ALOX5AP: variants seen among roughly 807,000 people sequenced by gnomAD.
ALOX5AP encodes the protein arachidonate 5-lipoxygenase activating protein, also known as arachidonate 5-lipoxygenase-activating protein.
ALOX5AP carries 9 observed loss-of-function variants against 18.5 expected under a neutral mutation model. The observed-to-expected ratio is 0.49, with a 90% CI of 0.29 to 0.85. The LOEUF (loss-of-function observed/expected upper bound fraction) is 0.85. ALOX5AP is among the 40% of genes least tolerant of loss of function. The pLI is 0.08. For missense variants in ALOX5AP, 172 were observed against 202.5 expected (o/e 0.85, Z 0.91); for synonymous variants, 81 against 78.6 (o/e 1.03, Z -0.16).
At position 30,741,103 on chromosome 13, in the gene ALOX5AP, C is replaced by CTTTTTTT. The variant is rs59980433; in HGVS notation, c.71-2928_71-2922dup. Among the ~76,000 whole-genome samples the CTTTTTTT allele has an allele frequency of 4.6e-3, 297 of 64,008 alleles. 35 individuals are homozygous for CTTTTTTT. Among genetic ancestry groups the CTTTTTTT allele is most frequent in the Non-Finnish European group, 5.7e-3 (207 of 36,056 alleles). 42.0% of individuals were successfully genotyped at this position (64,008 alleles called of 152,430 possible). A position where few individuals can be genotyped will look rare whatever the true frequency, so the allele number is the denominator to read the frequency against. ...TTAACCTACACACATCCTCCATATC[C>CTTTTTTT]TTTTTTTTTTTTTTTTTTTTTTTTT... On this transcript the variant is annotated intron_variant, in intron 1 of 4. Transcript: ENST00000380490.
At chr13:30,734,619 A>C (rs891936966), upstream of ALOX5AP, among the ~76,000 whole-genome samples, 1 of 152,216 alleles carries the variant, frequency 6.6e-6, no homozygotes, top group Non-Finnish European at 1.5e-5. Context: ...CTCAGAAAGC[A>C]CAGCCACTCT....
At chr13:30,750,121 A>G (rs911295849) in intron 2 of ALOX5AP, among the ~76,000 whole-genome samples, 5 of 152,156 alleles carry the variant, frequency 3.3e-5, no homozygotes, top group African/African-American at 7.2e-5. Context: ...GTGGGTGTGA[A>G]CATTTGCATT....
At chr13:30,731,666 G>C (rs1951681589), upstream of ALOX5AP, among the ~76,000 whole-genome samples, 1 of 152,158 alleles carries the variant, frequency 6.6e-6, no homozygotes, top group Non-Finnish European at 1.5e-5. Context: ...ACGGTGCCAG[G>C]CCCTTGACCA....
Position 30,764,355 on chromosome 13 carries a change from G to T in ALOX5AP, c.*249G>T. ...TTTTGTTTGTTTCTTCACTTATCCT[G>T]TTCTCTGAAGATGTTTTGTGACCAG... On this transcript the variant is annotated 3_prime_UTR_variant, in exon 5 of 5. Coordinates refer to ENST00000380490, the MANE Select transcript of ALOX5AP (RefSeq NM_001629.4). The T allele has an allele frequency of 2.4e-6, 1 of 413,032 alleles. No individual in the cohort carries two copies. The highest frequency in any genetic ancestry group is 4.3e-6 in the Non-Finnish European group (1 of 233,364). 25.6% of individuals were successfully genotyped at this position (413,032 alleles called of 1,614,324 possible).
At chr13:30,730,466 T>C (rs1951672464) in intron 1 of ALOX5AP, among the ~76,000 whole-genome samples, 1 of 152,222 alleles carries the variant, frequency 6.6e-6, no homozygotes, top group African/African-American at 2.4e-5. Flanking sequence ...CTGACTGAAA[T>C]GAAAAGGAAC....
upstream of ALOX5AP, among the ~76,000 whole-genome samples, chr13:30,730,795 A>G (rs1951675047): frequency 6.6e-6 from 1 of 150,424 alleles, no homozygotes; most frequent in African/African-American, 2.4e-5. Context: ...GCAGCTGGGC[A>G]GAGCCTCGGC....
chr13:30,719,186 G>T (rs938158088), intron 1 of ALOX5AP, among the ~76,000 whole-genome samples: 1 of 152,192 alleles, frequency 6.6e-6, no homozygotes, highest in African/African-American at 2.4e-5. Flanking sequence ...AATAATGGAG[G>T]TTGATTTAAA....
intron 1 of ALOX5AP, among the ~76,000 whole-genome samples, chr13:30,741,529 T>C (rs1193193843): frequency 6.8e-6 from 1 of 146,758 alleles, no homozygotes; most frequent in African/African-American, 2.5e-5. Flanking sequence ...CCTGTGTAGC[T>C]AGGATTACAG....
At chr13:30,713,909 C>A in intron 1 of ALOX5AP, 1 of 1,503,020 alleles carries the variant, frequency 6.7e-7, no homozygotes, top group Non-Finnish European at 8.9e-7. Context: ...ACAAATTTGA[C>A]CTGGGCCCAG....
intron 2 of ALOX5AP, among the ~76,000 whole-genome samples, chr13:30,751,068 T>C (rs1951847807): frequency 6.6e-6 from 1 of 152,104 alleles, no homozygotes; most frequent in Non-Finnish European, 1.5e-5. Context: ...TAAAAGGGTG[T>C]TTTTTGTTTT....
Position 30,764,110 on chromosome 13 carries a change from T to G in ALOX5AP, c.*4T>G. ...CCCTCTACTTCTCATTCCCTAACTC[T>G]CTGCTGAATATGGGGTTGGTGTTCT... On this transcript the variant is annotated 3_prime_UTR_variant, in exon 5 of 5. Coordinates refer to ENST00000380490, the MANE Select transcript of ALOX5AP (RefSeq NM_001629.4). 1 of 1,613,140 alleles carries G rather than the reference T, an allele frequency of 6.2e-7. No homozygotes were observed. Among genetic ancestry groups the G allele is most frequent in the Non-Finnish European group, 8.5e-7 (1 of 1,179,530 alleles).
At chr13:30,747,756 CTTGGT>C (rs1951820701) in intron 2 of ALOX5AP, among the ~76,000 whole-genome samples, 1 of 152,170 alleles carries the variant, frequency 6.6e-6, no homozygotes, top group South Asian at 2.1e-4. Flanking sequence ...TATTCTGATT[CTTGGT>C]TTTCTAAGAG....
rs1186960394 is a variant in ALOX5AP at position 30,752,115 on chromosome 13, C to A, written c.234C>A (p.Cys78Ter). Reference sequence around the variant, plus strand: ...TGCTCTGGTCTGCGGGGCTACTTTGCAGCCAAGGTAACTCAGACTTCCCTT... The same window carrying A: ...TGCTCTGGTCTGCGGGGCTACTTTGAAGCCAAGGTAACTCAGACTTCCCTT... Reference protein sequence around the residue: ...LAVLWSAGLLCSQVPAAFAGL... With the variant: ...LAVLWSAGLL Residue 78 changes from cysteine (C) to a stop codon, truncating the protein, a stop_gained, in exon 3 of 5, where the codon TGC becomes TGA. Transcript: ENST00000380490. LOFTEE classifies it high-confidence loss of function. 1 of 1,614,072 alleles carries A rather than the reference C, an allele frequency of 6.2e-7. No individual in the cohort carries two copies. Among genetic ancestry groups the A allele is most frequent in the South Asian group, 1.1e-5 (1 of 91,082 alleles).
intron 3 of ALOX5AP, among the ~76,000 whole-genome samples, chr13:30,753,556 G>A (rs746404050): frequency 3.3e-5 from 5 of 152,164 alleles, no homozygotes; most frequent in African/African-American, 9.7e-5. Flanking sequence ...GTTGATAATC[G>A]TCATTTCTTA....
intron 4 of ALOX5AP, among the ~76,000 whole-genome samples, chr13:30,763,533 C>T (rs886787053): frequency 5.3e-5 from 8 of 152,176 alleles, no homozygotes; most frequent in African/African-American, 1.4e-4. Context: ...CTAACACAGT[C>T]CTGCATTACA....
At chr13:30,741,623 G>A (rs866046328) in intron 1 of ALOX5AP, among the ~76,000 whole-genome samples, 1 of 141,818 alleles carries the variant, frequency 7.1e-6, no homozygotes, top group Non-Finnish European at 1.5e-5. Flanking sequence ...TGGCCTGGCT[G>A]GTCTTGAACT....
intron 2 of ALOX5AP, 64 bp downstream of exon 2, chr13:30,744,223 G>C (rs1045241808): frequency 1.4e-6 from 2 of 1,420,168 alleles, no homozygotes; most frequent in Non-Finnish European, 2.0e-6. Context: ...CCTTCTAGGA[G>C]TGATGACCAC....
chr13:30,757,903 G>A (rs1020761347), intron 4 of ALOX5AP, among the ~76,000 whole-genome samples: 2 of 152,154 alleles, frequency 1.3e-5, no homozygotes, highest in African/African-American at 2.4e-5. Flanking sequence ...TAAATGGCCT[G>A]CCTTCTTGTG....
upstream of ALOX5AP, among the ~76,000 whole-genome samples, chr13:30,731,922 C>T (rs905813019): frequency 6.6e-6 from 1 of 152,246 alleles, no homozygotes; most frequent in Admixed American, 6.5e-5. Flanking sequence ...CCGGCTCTCC[C>T]GGTGCCCCTT....
Sources: gnomAD v4.1 joint callset for allele counts (sites outside exome capture counted in the v4.1 genomes callset) on GRCh38, gnomAD v4.1.1 for gene constraint, MANE v1.5 for transcripts, NCBI Gene and HGNC (gene_info 2026-07-23, HGNC 2026-07-21) for gene names.